The following SMARCB1 variants were observed in gnomAD, a reference collection of about 807,000 sequenced individuals.
SMARCB1 encodes the protein SWI/SNF related BAF chromatin remodeling complex subunit B1.
A neutral mutation model predicts 49.0 loss-of-function variants in SMARCB1; 5 were observed. The observed-to-expected ratio is 0.10, with a 90% CI of 0.05 to 0.21. The LOEUF (loss-of-function observed/expected upper bound fraction) is 0.21, where lower values mean the gene tolerates loss of function less well. SMARCB1 is among the 10% of genes least tolerant of loss of function. The pLI is 1.00. For synonymous variants in SMARCB1, 201 were observed against 200.1 expected (o/e 1.00, Z -0.04); for missense variants, 226 against 509.2 (o/e 0.44, Z 5.35).
intron 7 of SMARCB1, among the ~76,000 whole-genome samples, chr22:23,829,973 G>A (rs1455203816): frequency 1.3e-5 from 2 of 152,156 alleles, no homozygotes; most frequent in South Asian, 2.1e-4. Flanking sequence ...CCATGTTGTA[G>A]CATCTTTTAT....
intron 1 of SMARCB1, among the ~76,000 whole-genome samples, chr22:23,790,798 G>A (rs977882080): frequency 3.9e-5 from 6 of 152,134 alleles, no homozygotes; most frequent in Non-Finnish European, 7.3e-5. Flanking sequence ...AGCTATGATC[G>A]ATCGCACCAC....
chr22:23,797,775 A>AC (rs1189291887), intron 3 of SMARCB1, among the ~76,000 whole-genome samples: 1 of 148,704 alleles, frequency 6.7e-6, no homozygotes, highest in African/African-American at 2.5e-5. Flanking sequence ...CAGGCACCAC[A>AC]CCTAGCTAAT....
chr22:23,825,450 T>C, intron 7 of SMARCB1, 35 bp downstream of exon 7: 4 of 1,584,246 alleles, frequency 2.5e-6, no homozygotes, highest in East Asian at 4.5e-5. Context: ...CTCCCTCATC[T>C]CCCTGCAAAA....
In SMARCB1 at chr22:23,793,381, T is replaced by C. The variant is rs1022477179; in HGVS notation, c.233-178T>C. ...GGCTCTACCCAGCAGGACTTGTAAG[T>C]AAAGCACTCAGTCCAGATTGCCCTT... On this transcript the variant is annotated intron_variant, in intron 2 of 8. Coordinates refer to ENST00000644036, the MANE Select transcript of SMARCB1 (RefSeq NM_003073.5). 3 of 749,186 alleles carry C rather than the reference T, an allele frequency of 4.0e-6. No homozygotes were observed. In the African/African-American group the frequency reaches 5.1e-5, roughly 13 times the overall value. The allele number at this position is 749,186 out of a possible 1,614,324, so 46.4% of individuals were successfully genotyped here.
intron 3 of SMARCB1, among the ~76,000 whole-genome samples, chr22:23,798,759 AACGTTTGTCGGCCGGGC>A (rs1928930723): frequency 6.6e-6 from 1 of 152,012 alleles, no homozygotes; most frequent in African/African-American, 2.4e-5. Flanking sequence ...GGAACTGTCA[AACGTTTGTCGGCCGGGC>A]GCGGTGACTG....
chr22:23,799,726 C>T (rs945929482), intron 3 of SMARCB1, among the ~76,000 whole-genome samples: 7 of 130,856 alleles, frequency 5.3e-5, no homozygotes, highest in African/African-American at 2.1e-4. Flanking sequence ...GCTCTGTCTC[C>T]CACTCTGGAG....
intron 5 of SMARCB1, among the ~76,000 whole-genome samples, chr22:23,808,272 C>T (rs967957682): frequency 1.1e-4 from 16 of 152,192 alleles, no homozygotes; most frequent in South Asian, 2.1e-4. Context: ...AGGTGCCCGC[C>T]GCCATGCCCG....
At chr22:23,794,222 G>A (rs940175313) in intron 3 of SMARCB1, among the ~76,000 whole-genome samples, 3 of 152,234 alleles carry the variant, frequency 2.0e-5, no homozygotes, top group South Asian at 2.1e-4. Flanking sequence ...GATTACAGGC[G>A]TGAGCCACCG....
intron 7 of SMARCB1, 27 bp downstream of exon 7, chr22:23,825,442 C>T (rs1470802353): frequency 6.3e-7 from 1 of 1,591,260 alleles, no homozygotes; most frequent in Non-Finnish European, 8.6e-7. Context: ...GTCTCTCCCT[C>T]CCTCATCTCC....
Position 23,836,270 on chromosome 22 carries a change from C to T in SMARCB1, c.*2090C>T, listed in dbSNP as rs2031038655. 2.0e-6 allele frequency: 2 copies of T among 985,356 alleles called. No individual in the cohort carries two copies. Among genetic ancestry groups the T allele is most frequent in the Admixed American group, 6.1e-5 (1 of 16,262 alleles). 61.0% of individuals were successfully genotyped at this position (985,356 alleles called of 1,614,324 possible). A position where few individuals can be genotyped will look rare whatever the true frequency, so the allele number is the denominator to read the frequency against. ...ACCTGAATCCATGGGGCTTTGGCAT[C>T]ACCAGATGAAAAATGAGGCATACGC... On this transcript the variant is annotated 3_prime_UTR_variant, in exon 9 of 9. Coordinates refer to ENST00000644036, the MANE Select transcript of SMARCB1 (RefSeq NM_003073.5).
In SMARCB1 at chr22:23,835,680, T is replaced by C; in HGVS notation, c.*1500T>C. 8 of 985,516 alleles carry C rather than the reference T, an allele frequency of 8.1e-6. 1 individual carries two copies. In the South Asian group the frequency reaches 3.8e-4, roughly 46 times the overall value. The allele number at this position is 985,516 out of a possible 1,614,324, so 61.0% of individuals were successfully genotyped here. ...AGGGGAAGATTCCCAGCCCAGCTGCTCTTAGACATGAACAGGTTTCATTGC... is the reference window on the plus strand; with the variant it reads ...AGGGGAAGATTCCCAGCCCAGCTGCCCTTAGACATGAACAGGTTTCATTGC... On this transcript the variant is annotated 3_prime_UTR_variant, in exon 9 of 9. Coordinates refer to ENST00000644036, the MANE Select transcript of SMARCB1 (RefSeq NM_003073.5).
chr22:23,800,931 T>C lies in SMARCB1; in HGVS notation c.363-13T>C, dbSNP rs2145977921. 1 of 1,609,488 alleles carries C rather than the reference T, an allele frequency of 6.2e-7. No homozygotes were observed. The highest frequency in any genetic ancestry group is 1.1e-5 in the South Asian group (1 of 90,998). On this transcript the variant is annotated splice_polypyrimidine_tract_variant and intron_variant, in intron 3 of 8. Coordinates refer to ENST00000644036, the MANE Select transcript of SMARCB1 (RefSeq NM_003073.5). ...CTATACTGACTGGGAGGACTTTTCT[T>C]GTATCTCCTCAGGGAACAGAAGGCC...
At chr22:23,803,165 T>C (rs1341703671) in intron 4 of SMARCB1, 130 bp from the exon 5 acceptor site, 1 of 1,219,518 alleles carries the variant, frequency 8.2e-7, no homozygotes, top group Non-Finnish European at 1.2e-6. Context: ...CTGCCTCAGC[T>C]GTTAGCTGAC....
At chr22:23,827,224 G>T (rs1039633671) in intron 7 of SMARCB1, among the ~76,000 whole-genome samples, 1 of 152,202 alleles carries the variant, frequency 6.6e-6, no homozygotes, top group Non-Finnish European at 1.5e-5. Context: ...CAGCCCCTAC[G>T]GTGTTGACCT....
Position 23,833,613 on chromosome 22 carries a change from C to T in SMARCB1, c.1028C>T (p.Thr343Met), listed in dbSNP as rs773457718. ...ACAGTGGAGATTGCCATCCGGAACA[C>T]GGGCGATGCGGACCAGTGGTGCCCA... ...LPTVEIAIRN[T>M]GDADQWCPLL... Residue 343 changes from threonine (T) to methionine (M), a missense_variant, in exon 8 of 9, where the codon ACG (threonine) becomes ATG (methionine). Thr to Met is a moderately conservative substitution (Grantham distance 81). Around this residue, in one of 6 missense-constraint regions of SMARCB1, gnomAD observed 35 missense variants for 107.2 expected, o/e 0.33. Transcript: ENST00000644036. 9.3e-6 allele frequency: 15 copies of T among 1,614,100 alleles called. No homozygotes were observed. Among genetic ancestry groups the T allele is most frequent in the African/African-American group, 2.7e-5 (2 of 74,944 alleles).
chr22:23,787,277 G>C lies in SMARCB1; in HGVS notation c.93+15G>C. 6.6e-7 allele frequency: 1 copy of C among 1,523,284 alleles called. No homozygotes were observed. The highest frequency in any genetic ancestry group is 9.0e-7 in the Non-Finnish European group (1 of 1,108,704). The allele number at this position is 1,523,284 out of a possible 1,614,324, so 94.4% of individuals were successfully genotyped here. Reference sequence around the variant, plus strand: ...TCGGCTCCGAGGTAGCCCGGGGCGCGTTCTCGCCCTCCCCGGGCTCGGCCC... The same window carrying C: ...TCGGCTCCGAGGTAGCCCGGGGCGCCTTCTCGCCCTCCCCGGGCTCGGCCC... On this transcript the variant is annotated intron_variant, in intron 1 of 8. Coordinates refer to ENST00000644036, the MANE Select transcript of SMARCB1 (RefSeq NM_003073.5).
rs1406595873 is a variant in SMARCB1 at position 23,834,328 on chromosome 22, T to C, written c.*148T>C. On this transcript the variant is annotated 3_prime_UTR_variant, in exon 9 of 9. Transcript: ENST00000644036. ...TGGAGTGGGGGCTTCCAGGTGGCCC[T>C]TCCCGGCACACATTCCATTTGTTGA... 1 of 826,282 alleles carries C rather than the reference T, an allele frequency of 1.2e-6. No individual in the cohort carries two copies. The highest frequency in any genetic ancestry group is 2.0e-6 in the Non-Finnish European group (1 of 498,718). 51.2% of individuals were successfully genotyped at this position (826,282 alleles called of 1,614,324 possible). A position where few individuals can be genotyped will look rare whatever the true frequency, so the allele number is the denominator to read the frequency against.
chr22:23,812,382 A>C (rs1929927902), intron 5 of SMARCB1, among the ~76,000 whole-genome samples: 1 of 152,182 alleles, frequency 6.6e-6, no homozygotes, highest in South Asian at 2.1e-4. Flanking sequence ...TCACTGGAGA[A>C]TTCTGTCTAT....
At chr22:23,803,030 G>A in intron 4 of SMARCB1, 1 of 557,894 alleles carries the variant, frequency 1.8e-6, no homozygotes, top group East Asian at 3.1e-5. Flanking sequence ...CCCTTCACAG[G>A]ATGTCTGGGT....
Sources: gnomAD v4.1 joint callset for allele counts (sites outside exome capture counted in the v4.1 genomes callset) on GRCh38, gnomAD v4.1.1 for gene constraint, gnomAD v4.1.1 regional missense constraint, MANE v1.5 for transcripts, NCBI Gene and HGNC (gene_info 2026-07-23, HGNC 2026-07-21) for gene names.